CAMKMT: variants seen among roughly 807,000 people sequenced by gnomAD.
CAMKMT encodes the protein CaM KMT.
A neutral mutation model predicts 48.0 loss-of-function variants in CAMKMT; 53 were observed. The observed-to-expected ratio is 1.10, with a 90% CI of 0.89 to 1.39. The LOEUF is 1.39. Among genes scored for constraint, CAMKMT ranks in the 40% most tolerant of loss-of-function variants. The pLI, the probability that CAMKMT is intolerant of heterozygous loss-of-function variation, is 0.00. For synonymous variants in CAMKMT, 165 were observed against 152.3 expected (o/e 1.08, Z -0.61); for missense variants, 428 against 402.7 (o/e 1.06, Z -0.54).
intron 3 of CAMKMT, among the ~76,000 whole-genome samples, chr2:44,679,843 T>A (rs1201653143): frequency 6.6e-6 from 1 of 152,242 alleles, no homozygotes; most frequent in Non-Finnish European, 1.5e-5. Context: ...TGCAGGATGA[T>A]AATTGCTCTG....
intron 3 of CAMKMT, among the ~76,000 whole-genome samples, chr2:44,486,904 A>C (rs1271010929): frequency 6.6e-6 from 1 of 152,216 alleles, no homozygotes; most frequent in African/African-American, 2.4e-5. Flanking sequence ...GTACTGAATA[A>C]AATAAGTACA....
chr2:44,572,385 T>A (rs1009706934), intron 3 of CAMKMT, among the ~76,000 whole-genome samples: 2 of 152,144 alleles, frequency 1.3e-5, no homozygotes, highest in Admixed American at 6.6e-5. Flanking sequence ...ACAGGGTTTG[T>A]CCTTTAGTGA....
intron 3 of CAMKMT, among the ~76,000 whole-genome samples, chr2:44,428,259 G>A (rs1067365): frequency 0.74 from 111,820 of 151,972 alleles, 42,007 homozygotes; most frequent in African/African-American, 0.84. Context: ...TGGAAATGGG[G>A]TGGAGTGAGA....
At chr2:44,458,757 G>A (rs1002297272) in intron 3 of CAMKMT, among the ~76,000 whole-genome samples, 1 of 152,108 alleles carries the variant, frequency 6.6e-6, no homozygotes, top group East Asian at 1.9e-4. Flanking sequence ...ATCGATAAAA[G>A]GCGATTACAA....
At chr2:44,715,728 G>C (rs906403582) in intron 7 of CAMKMT, among the ~76,000 whole-genome samples, 1 of 152,128 alleles carries the variant, frequency 6.6e-6, no homozygotes, top group Admixed American at 6.5e-5. Flanking sequence ...GCATTCCCTG[G>C]AGATATTTTT....
At chr2:44,749,236 T>A (rs1417933930) in intron 8 of CAMKMT, among the ~76,000 whole-genome samples, 1 of 152,180 alleles carries the variant, frequency 6.6e-6, no homozygotes, top group Non-Finnish European at 1.5e-5. Flanking sequence ...AAACTTCTTA[T>A]AAGCTGCTCT....
intron 3 of CAMKMT, among the ~76,000 whole-genome samples, chr2:44,405,830 A>G (rs1005449638): frequency 1.3e-5 from 2 of 152,192 alleles, no homozygotes; most frequent in African/African-American, 4.8e-5. Context: ...TATGAAATGT[A>G]TATTCAACTC....
chr2:44,379,637 C>A (rs1680042683), intron 2 of CAMKMT, among the ~76,000 whole-genome samples: 1 of 152,092 alleles, frequency 6.6e-6, no homozygotes, highest in East Asian at 1.9e-4. Context: ...TGATATCTCA[C>A]TGTGGCTTTG....
chr2:44,623,181 G>GT, intron 3 of CAMKMT, among the ~76,000 whole-genome samples: 1 of 152,014 alleles, frequency 6.6e-6, no homozygotes, highest in South Asian at 2.1e-4. Context: ...GGGATTATTT[G>GT]TTTTTTGCTT....
intron 3 of CAMKMT, among the ~76,000 whole-genome samples, chr2:44,621,266 C>CAAAAAAAAAAAAAAAAAAAA (rs10667154): frequency 1.2e-5 from 1 of 84,524 alleles, no homozygotes; most frequent in African/African-American, 5.3e-5. Flanking sequence ...GACTCCATCT[C>CAAAAAAAAAAAAAAAAAAAA]AAAAAAAAAA....
At chr2:44,711,136 T>C (rs1344342136) in intron 6 of CAMKMT, among the ~76,000 whole-genome samples, 1 of 152,180 alleles carries the variant, frequency 6.6e-6, no homozygotes, top group African/African-American at 2.4e-5. Flanking sequence ...AACACGGAAA[T>C]CCCGGGCCAT....
At chr2:44,583,050 A>G (rs756315828) in intron 3 of CAMKMT, among the ~76,000 whole-genome samples, 1 of 152,318 alleles carries the variant, frequency 6.6e-6, no homozygotes, top group African/African-American at 2.4e-5. Flanking sequence ...AAATACATAT[A>G]ATACATAATA....
At position 44,390,272 on chromosome 2, in the gene CAMKMT, G is replaced by C; in HGVS notation, c.343G>C (p.Val115Leu). 1 of 1,610,082 alleles carries C rather than the reference G, an allele frequency of 6.2e-7. No individual in the cohort carries two copies. The highest frequency in any genetic ancestry group is 8.5e-7 in the Non-Finnish European group (1 of 1,178,324). Residue 115 changes from valine (V) to leucine (L), a missense_variant, in exon 3 of 11, where the codon GTC (valine) becomes CTC (leucine). By Grantham distance (32) the Val-to-Leu change is conservative. Coordinates refer to ENST00000378494, the MANE Select transcript of CAMKMT (RefSeq NM_024766.5). Reference protein sequence around the residue: ...HNSGSLNVEDVLTSFDNTGNV... With the variant: ...HNSGSLNVEDLLTSFDNTGNV... ...TAGTGGATCCTTGAATGTTGAAGAT[G>C]TCCTTACCAGCTTTGACAATACAGG...
Position 44,709,563 on chromosome 2 carries a change from G to A in CAMKMT, c.556+2101G>A, listed in dbSNP as rs551873864. On this transcript the variant is annotated intron_variant, in intron 6 of 10. Transcript: ENST00000378494. ...ATGTTATTCTTGATTTGCTAACAGA[G>A]CTTACAATTGGCATTCGTTGTCATC... 2.6e-5 allele frequency among the ~76,000 whole-genome samples: 4 copies of A among 152,160 alleles called. No individual in the cohort carries two copies. In the East Asian group the frequency reaches 7.7e-4, roughly 29 times the overall value.
At chr2:44,518,761 TG>T (rs1010072198) in intron 3 of CAMKMT, among the ~76,000 whole-genome samples, 1 of 152,220 alleles carries the variant, frequency 6.6e-6, no homozygotes, top group African/African-American at 2.4e-5. Context: ...TTCTGATGGA[TG>T]GGGCTTAGCT....
In CAMKMT at chr2:44,759,228, ATCC is replaced by A. The variant is rs1680509050; in HGVS notation, c.762+5115_762+5117del. Among the ~76,000 whole-genome samples, 3 of 152,206 alleles carry A rather than the reference ATCC, an allele frequency of 2.0e-5. 1 individual carries two copies. The South Asian group carries it at 6.2e-4, about 32-fold the overall frequency. On this transcript the variant is annotated intron_variant, in intron 9 of 10. Transcript: ENST00000378494. ...AGCCACAAACTCCTGGACTCAGGTGATCCTCCTGCCTCAGCCTCTCAAATAGCT... is the reference window on the plus strand; with the variant it reads ...AGCCACAAACTCCTGGACTCAGGTGATCCTGCCTCAGCCTCTCAAATAGCT...
intron 2 of CAMKMT, among the ~76,000 whole-genome samples, chr2:44,377,118 C>T (rs1220383583): frequency 3.3e-5 from 5 of 151,972 alleles, no homozygotes; most frequent in Non-Finnish European, 5.9e-5. Context: ...GCAATCCGCC[C>T]GCCTTAGTCT....
intron 2 of CAMKMT, among the ~76,000 whole-genome samples, chr2:44,379,397 A>G (rs1053768869): frequency 6.6e-6 from 1 of 152,174 alleles, no homozygotes; most frequent in Non-Finnish European, 1.5e-5. Flanking sequence ...TTGTGTGAAC[A>G]TATGCTTTTA....
At chr2:44,703,576 G>A (rs543941819) in intron 3 of CAMKMT, among the ~76,000 whole-genome samples, 119 of 152,010 alleles carry the variant, frequency 7.8e-4, no homozygotes, top group African/African-American at 2.7e-3. Context: ...TCAGGAGTTC[G>A]AGACCAGCTT....
Sources: allele counts gnomAD v4.1 joint callset (sites outside exome capture counted in the v4.1 genomes callset), GRCh38; gene constraint gnomAD v4.1.1; transcripts MANE v1.5; gene names NCBI Gene and HGNC (gene_info 2026-07-23, HGNC 2026-07-21).